Variants in SMYD2 observed in about 807,000 individuals in gnomAD.
The protein encoded by SMYD2 is SET and MYND domain containing 2, also known as N-lysine methyltransferase SMYD2.
SMYD2 carries 53 observed loss-of-function variants against 59.1 expected under a neutral mutation model. That is an observed-to-expected ratio of 0.90 (90% CI 0.72 to 1.13). SMYD2 has a LOEUF of 1.13. Among genes scored for constraint, SMYD2 ranks in the 50% most tolerant of loss-of-function variants. The probability of loss-of-function intolerance (pLI) is 0.00; values close to 1 mark genes in which losing one functional copy is unlikely to be tolerated. For missense variants in SMYD2, 494 were observed against 544.7 expected (o/e 0.91, Z 0.93); for synonymous variants, 208 against 198.8 (o/e 1.05, Z -0.39).
At chr1:214,322,945 G>A (rs1341821931) in intron 5 of SMYD2, among the ~76,000 whole-genome samples, 3 of 152,140 alleles carry the variant, frequency 2.0e-5, no homozygotes, top group African/African-American at 7.2e-5. Flanking sequence ...CCATCTGTTG[G>A]CCTGAATTGT....
chr1:214,313,056 A>T (rs535307396), intron 2 of SMYD2, among the ~76,000 whole-genome samples: 2 of 152,252 alleles, frequency 1.3e-5, no homozygotes, highest in African/African-American at 4.8e-5. Context: ...GCCAGAACTG[A>T]CTGAATGTGG....
rs2102479804 is a variant in SMYD2 at position 214,332,079 on chromosome 1, G to A, written c.999G>A (p.Glu333=). Reference sequence around the variant, plus strand: ...AGGAGAAGATGAGCTCTGTGTTTGAGGACAGTAACGTGTACATGTTGCACA... The same window carrying A: ...AGGAGAAGATGAGCTCTGTGTTTGAAGACAGTAACGTGTACATGTTGCACA... ...LSQEKMSSVF[E]DSNVYMLHMM... is the part of the protein sequence containing the mutation. The change falls in exon 10 of 12, where the codon GAG becomes GAA. Residue 333 remains glutamate (E), a synonymous_variant. Coordinates refer to ENST00000366957, the MANE Select transcript of SMYD2 (RefSeq NM_020197.3). The A allele has an allele frequency of 6.2e-7, 1 of 1,614,106 alleles. No individual in the cohort carries two copies. The highest frequency in any genetic ancestry group is 2.2e-5 in the East Asian group (1 of 44,854).
At chr1:214,300,607 C>T (rs1656806089) in intron 1 of SMYD2, among the ~76,000 whole-genome samples, 2 of 152,192 alleles carry the variant, frequency 1.3e-5, no homozygotes, top group South Asian at 4.1e-4. Context: ...TTTGTTGTTA[C>T]TATTAGCTTA....
chr1:214,333,848 A>G (rs1657395396), intron 10 of SMYD2: 1 of 197,372 alleles, frequency 5.1e-6, no homozygotes, highest in African/African-American at 2.2e-5. Context: ...TAAATGGGAC[A>G]TTTACTTCAC....
At chr1:214,315,565 A>G (rs1009528338) in intron 3 of SMYD2, among the ~76,000 whole-genome samples, 1 of 152,218 alleles carries the variant, frequency 6.6e-6, no homozygotes, top group Admixed American at 6.5e-5. Context: ...TCAAAGAGTG[A>G]GGAAGCTGAG....
At position 214,336,772 on chromosome 1, in the gene SMYD2, T is replaced by G. The variant is rs11120301; in HGVS notation, c.1290T>G (p.Ile430Met). ...ATATTTCTGAGATCAAACAGGAAAT[T>G]GAAAGCCACTGAAACTATGCAGCAT... ...HPYISEIKQE[I>M]ESH Residue 430 changes from isoleucine to methionine, a missense_variant, in exon 12 of 12, where the codon ATT becomes ATG. Coordinates refer to ENST00000366957, the MANE Select transcript of SMYD2 (RefSeq NM_020197.3). The G allele has an allele frequency of 0.019, 30,335 of 1,613,202 alleles. 3,708 individuals carry two copies. In the East Asian group the frequency reaches 0.29, roughly 15 times the overall value.
At chr1:214,314,697 C>G in intron 2 of SMYD2, 65 bp from the exon 3 acceptor site, 2 of 1,246,112 alleles carry the variant, frequency 1.6e-6, no homozygotes, top group Admixed American at 1.8e-5. Context: ...ACTGCATCCT[C>G]TCCTCTCACA....
At chr1:214,281,642 C>G (rs1481710553) in intron 1 of SMYD2, among the ~76,000 whole-genome samples, 1 of 152,190 alleles carries the variant, frequency 6.6e-6, no homozygotes, top group Non-Finnish European at 1.5e-5. Flanking sequence ...GACCGGTGCC[C>G]CGCTGCACGC....
chr1:214,295,061 TCA>T (rs1656701914), intron 1 of SMYD2, among the ~76,000 whole-genome samples: 1 of 152,240 alleles, frequency 6.6e-6, no homozygotes, highest in Non-Finnish European at 1.5e-5. Flanking sequence ...TATTTTATTG[TCA>T]GTTCCTTTAT....
At chr1:214,300,370 A>G (rs370542644) in intron 1 of SMYD2, among the ~76,000 whole-genome samples, 44 of 152,288 alleles carry the variant, frequency 2.9e-4, no homozygotes, top group African/African-American at 9.9e-4. Flanking sequence ...TACACAATAA[A>G]TACATCAATC....
intron 6 of SMYD2, chr1:214,327,378 G>T (rs1396683518): frequency 7.2e-6 from 3 of 416,184 alleles, no homozygotes; most frequent in African/African-American, 2.0e-5. Flanking sequence ...TGTGTTTTTT[G>T]GTTTTGGCTT....
At chr1:214,328,637 T>C (rs146115276) in intron 7 of SMYD2, among the ~76,000 whole-genome samples, 8 of 152,290 alleles carry the variant, frequency 5.3e-5, no homozygotes, top group Non-Finnish European at 1.0e-4. Context: ...CATGCCTGGG[T>C]ATTTGAAGTG....
At chr1:214,319,150 C>A (rs1196276454) in intron 5 of SMYD2, among the ~76,000 whole-genome samples, 167 bp downstream of exon 5, 1 of 152,108 alleles carries the variant, frequency 6.6e-6, no homozygotes, top group Non-Finnish European at 1.5e-5. Flanking sequence ...TGCTCAGTGA[C>A]CTTGAGCAGA....
chr1:214,314,215 C>T (rs115642729), intron 2 of SMYD2, among the ~76,000 whole-genome samples: 1,606 of 152,124 alleles, frequency 0.011, 33 homozygotes, highest in African/African-American at 0.036. Context: ...CTGTTTTATC[C>T]AGTGCATCTT....
chr1:214,292,236 A>T (rs1656647422), intron 1 of SMYD2, among the ~76,000 whole-genome samples: 1 of 152,146 alleles, frequency 6.6e-6, no homozygotes, highest in South Asian at 2.1e-4. Flanking sequence ...CAGGAGCCAT[A>T]TCTGAGTCTA....
intron 3 of SMYD2, among the ~76,000 whole-genome samples, chr1:214,316,499 A>G (rs1458187013): frequency 6.6e-6 from 1 of 151,948 alleles, no homozygotes; most frequent in Non-Finnish European, 1.5e-5. Flanking sequence ...TAAAAATGAA[A>G]AAAAAAAACA....
At chr1:214,331,212 C>T (rs1657348052) in intron 9 of SMYD2, 142 bp downstream of exon 9, 5 of 1,168,128 alleles carry the variant, frequency 4.3e-6, no homozygotes, top group East Asian at 2.5e-5. Flanking sequence ...TGTGTAAAGG[C>T]GTACTGACCA....
chr1:214,311,258 C>T, intron 2 of SMYD2, among the ~76,000 whole-genome samples: 1 of 152,212 alleles, frequency 6.6e-6, no homozygotes, highest in Non-Finnish European at 1.5e-5. Flanking sequence ...CAGAGCGCAG[C>T]CTGTGCCGGG....
chr1:214,284,089 G>A (rs989647869), intron 1 of SMYD2, among the ~76,000 whole-genome samples: 9 of 151,968 alleles, frequency 5.9e-5, no homozygotes, highest in African/African-American at 2.2e-4. Context: ...TGGAGAACAT[G>A]CGTATCTTGC....
Sources: gnomAD v4.1 joint callset for allele counts (sites outside exome capture counted in the v4.1 genomes callset) on GRCh38, gnomAD v4.1.1 for gene constraint, MANE v1.5 for transcripts, NCBI Gene and HGNC (gene_info 2026-07-23, HGNC 2026-07-21) for gene names.